The following SHANK2 variants were observed in gnomAD, a reference collection of about 807,000 sequenced individuals.
SHANK2 encodes SH3 and multiple ankyrin repeat domains protein 2.
In SHANK2, 43 loss-of-function variants were observed where a neutral mutation model predicts 133.7. That is an observed-to-expected ratio of 0.32 (90% confidence interval 0.25 to 0.41). The LOEUF is 0.41. Among genes scored for constraint, SHANK2 ranks in the 10% least tolerant of loss-of-function variants. SHANK2 has a pLI of 1.00. For synonymous variants in SHANK2, 1,017 were observed against 952.8 expected, an observed-to-expected ratio of 1.07 and a Z score of -1.24; for missense variants, 1,994 against 2,235.8, an observed-to-expected ratio of 0.89 and a Z score of 2.18.
chr11:70,898,826 C>T (rs1298889960), intron 10 of SHANK2, among the ~76,000 whole-genome samples: 1 of 152,186 alleles, frequency 6.6e-6, no homozygotes, highest in African/African-American at 2.4e-5. Context: ...ACAAAACGAA[C>T]ACTGAGGGTA....
chr11:70,687,386 C>T (rs963322500), intron 15 of SHANK2, among the ~76,000 whole-genome samples: 7 of 152,306 alleles, frequency 4.6e-5, no homozygotes, highest in Non-Finnish European at 8.8e-5. Context: ...TGCAGAGGCA[C>T]GGATATTGCC....
At chr11:70,857,018 C>T (rs558470236) in intron 11 of SHANK2, among the ~76,000 whole-genome samples, 7 of 152,222 alleles carry the variant, frequency 4.6e-5, no homozygotes, top group Admixed American at 1.3e-4. Context: ...TCTCTTCCTG[C>T]TAACTTATGC....
chr11:70,651,455 C>T (rs2061338166), intron 17 of SHANK2, among the ~76,000 whole-genome samples: 1 of 152,164 alleles, frequency 6.6e-6, no homozygotes, highest in Non-Finnish European at 1.5e-5. Flanking sequence ...GGGATCCAAC[C>T]TCCCCGCCAT....
chr11:70,592,174 T>C (rs1250537186), intron 17 of SHANK2, among the ~76,000 whole-genome samples: 1 of 152,210 alleles, frequency 6.6e-6, no homozygotes, highest in Non-Finnish European at 1.5e-5. Flanking sequence ...TGTGAATTGA[T>C]GTGTGCTGAC....
chr11:71,104,667 C>T (rs1489767707), intron 6 of SHANK2, among the ~76,000 whole-genome samples: 3 of 152,206 alleles, frequency 2.0e-5, no homozygotes, highest in African/African-American at 7.2e-5. Flanking sequence ...GTTCACTTTT[C>T]TCTTTTCCCC....
intron 10 of SHANK2, among the ~76,000 whole-genome samples, chr11:70,925,733 C>G (rs1950418608): frequency 6.6e-6 from 1 of 152,136 alleles, no homozygotes; most frequent in Admixed American, 6.5e-5. Context: ...TTGCCGTGTG[C>G]AGACAGCACT....
chr11:70,718,477 G>GA (rs113113589), intron 14 of SHANK2, among the ~76,000 whole-genome samples: 57,717 of 151,952 alleles, frequency 0.38, 11,946 homozygotes, highest in African/African-American at 0.56. Context: ...GGGATTTGGG[G>GA]AAAAATCCAT....
At chr11:70,816,374 A>G (rs967644187) in intron 12 of SHANK2, among the ~76,000 whole-genome samples, 5 of 152,202 alleles carry the variant, frequency 3.3e-5, no homozygotes, top group African/African-American at 1.2e-4. Context: ...GTTGCTCAGC[A>G]TGGGCTGATG....
At chr11:70,683,389 C>T (rs953836455) in intron 15 of SHANK2, among the ~76,000 whole-genome samples, 25 of 152,312 alleles carry the variant, frequency 1.6e-4, no homozygotes, top group African/African-American at 4.8e-4. Context: ...CCACCCAATC[C>T]GTGCTGCTTT....
chr11:70,556,077 A>T (rs1484949449), intron 17 of SHANK2, among the ~76,000 whole-genome samples: 1 of 152,236 alleles, frequency 6.6e-6, no homozygotes, highest in African/African-American at 2.4e-5. Context: ...AGCTGAGATC[A>T]CTGATAAAGG....
At chr11:71,082,683 G>A (rs1951316475) in intron 8 of SHANK2, among the ~76,000 whole-genome samples, 1 of 152,214 alleles carries the variant, frequency 6.6e-6, no homozygotes, top group Admixed American at 6.5e-5. Context: ...GGCCCAGAGA[G>A]GCTCAAGAGC....
rs535543678 is a variant in SHANK2, at chr11:70,739,829, G to C, written c.1778-41066C>G. Among the ~76,000 whole-genome samples, 4 of 152,364 alleles carry C rather than the reference G, an allele frequency of 2.6e-5. No homozygotes were observed. Among genetic ancestry groups the C allele is most frequent in the Non-Finnish European group, 5.9e-5 (4 of 68,034 alleles). ...TGTCTTTGTAAGACAAGGAGAGCCAGACACACGAGGCACCAGGGAGGCACC... is the reference window on the plus strand; with the variant it reads ...TGTCTTTGTAAGACAAGGAGAGCCACACACACGAGGCACCAGGGAGGCACC... On this transcript the variant is annotated intron_variant, in intron 14 of 25. Coordinates refer to ENST00000601538, the MANE Select transcript of SHANK2 (RefSeq NM_012309.5). This position sits in a 1 kb window ranked among gnomAD's most constrained non-coding sequence, Gnocchi z 4.3.
intron 17 of SHANK2, among the ~76,000 whole-genome samples, chr11:70,615,242 C>A (rs547624783): frequency 6.6e-6 from 1 of 152,130 alleles, no homozygotes; most frequent in African/African-American, 2.4e-5. Flanking sequence ...GCAGCCCACA[C>A]CCCGCTCCTC....
intron 15 of SHANK2, among the ~76,000 whole-genome samples, chr11:70,664,485 GGAT>G (rs1944642346): frequency 6.6e-6 from 1 of 152,198 alleles, no homozygotes; most frequent in Non-Finnish European, 1.5e-5. Flanking sequence ...AACCCTGGAA[GGAT>G]GATGCCGAAC....
intron 7 of SHANK2, among the ~76,000 whole-genome samples, chr11:71,093,381 C>T (rs1283163571): frequency 3.9e-5 from 6 of 152,132 alleles, no homozygotes; most frequent in East Asian, 1.9e-4. Flanking sequence ...CCAACGGGTA[C>T]GGTGTGGCTC....
intron 14 of SHANK2, among the ~76,000 whole-genome samples, chr11:70,728,168 C>T (rs1555031168): frequency 6.6e-6 from 1 of 152,198 alleles, no homozygotes; most frequent in African/African-American, 2.4e-5. Flanking sequence ...TGGGGTTAAA[C>T]CGACTCCCAA....
chr11:71,110,824 G>A (rs1190670353), intron 5 of SHANK2, among the ~76,000 whole-genome samples: 3 of 152,216 alleles, frequency 2.0e-5, no homozygotes, highest in Non-Finnish European at 2.9e-5. Flanking sequence ...CGGACTTAAC[G>A]TGTGTGTCCC....
intron 9 of SHANK2, among the ~76,000 whole-genome samples, chr11:71,067,096 G>C (rs1250815555): frequency 6.6e-6 from 1 of 152,300 alleles, no homozygotes; most frequent in East Asian, 1.9e-4. Flanking sequence ...GCTGGGGGAG[G>C]TGAAGGAAAG....
intron 11 of SHANK2, among the ~76,000 whole-genome samples, chr11:70,868,662 C>T (rs1028617295): frequency 9.9e-5 from 15 of 152,212 alleles, no homozygotes; most frequent in South Asian, 2.1e-4. Context: ...TCACACCCCA[C>T]GGGGGCAGCC....
Sources: allele counts gnomAD v4.1 joint callset (sites outside exome capture counted in the v4.1 genomes callset), GRCh38; gene constraint gnomAD v4.1.1; non-coding constraint Gnocchi (gnomAD v3.1); transcripts MANE v1.5; gene names NCBI Gene and HGNC (gene_info 2026-07-23, HGNC 2026-07-21).